Variants in NCKAP5 observed in about 807,000 individuals in gnomAD.
The protein encoded by NCKAP5 is NCK associated protein 5, also known as nck-associated protein 5.
In NCKAP5, 92 loss-of-function variants were observed where a neutral mutation model predicts 167.0. That is an observed-to-expected ratio of 0.55 (90% CI 0.47 to 0.66). The LOEUF (loss-of-function observed/expected upper bound fraction) is 0.66. Among genes scored for constraint, NCKAP5 ranks in the 30% least tolerant of loss-of-function variants. NCKAP5 has a pLI of 0.00. For synonymous variants in NCKAP5, 891 were observed against 877.4 expected (o/e 1.02, Z -0.27); for missense variants, 2,378 against 2,315.0 (o/e 1.03, Z -0.56).
intron 11 of NCKAP5, among the ~76,000 whole-genome samples, chr2:132,827,319 A>G (rs1321570886): frequency 1.3e-5 from 2 of 152,140 alleles, no homozygotes; most frequent in African/African-American, 4.8e-5. Context: ...AGTGGCATTA[A>G]GCATCTTTTT....
chr2:133,008,626 T>A (rs1160060245), intron 6 of NCKAP5, among the ~76,000 whole-genome samples: 3 of 152,204 alleles, frequency 2.0e-5, no homozygotes, highest in African/African-American at 7.2e-5. Flanking sequence ...TTACCCAATA[T>A]TTATTGTTTA....
chr2:133,623,768 T>C, the NCKAP5 span, among the ~76,000 whole-genome samples: 2 of 152,122 alleles, frequency 1.3e-5, no homozygotes, highest in Non-Finnish European at 2.9e-5. Context: ...GATCTACCAT[T>C]TGATCCAGTA....
intron 6 of NCKAP5, among the ~76,000 whole-genome samples, chr2:133,076,901 G>C (rs1159882315): frequency 6.6e-6 from 1 of 152,168 alleles, no homozygotes; most frequent in Non-Finnish European, 1.5e-5. Flanking sequence ...TCTTTCTGCA[G>C]AGGAGTCTGG....
In NCKAP5 at chr2:132,742,544, TAA is replaced by T. The variant is rs780197543; in HGVS notation, c.5129-10495_5129-10494del. 8.5e-5 allele frequency among the ~76,000 whole-genome samples: 13 copies of T among 152,060 alleles called. 1 individual carries two copies. Among genetic ancestry groups the T allele is most frequent in the Admixed American group, 2.0e-4 (3 of 15,260 alleles). On this transcript the variant is annotated intron_variant, in intron 16 of 19. Coordinates refer to ENST00000409261, the MANE Select transcript of NCKAP5 (RefSeq NM_207363.3). ...ATTAAAAATTTGAAGTTAGATACTCTAAGAGTATAAATAATTTTAGCCTGCCT... is the reference window on the plus strand; with the variant it reads ...ATTAAAAATTTGAAGTTAGATACTCTGAGTATAAATAATTTTAGCCTGCCT...
chr2:133,574,292 G>C, the NCKAP5 span, among the ~76,000 whole-genome samples: 4 of 152,250 alleles, frequency 2.6e-5, no homozygotes, highest in African/African-American at 9.6e-5. Context: ...GATCATAATA[G>C]TCCCAGACGA....
At chr2:133,073,779 C>T (rs758425726) in intron 6 of NCKAP5, among the ~76,000 whole-genome samples, 1 of 151,966 alleles carries the variant, frequency 6.6e-6, no homozygotes, top group East Asian at 1.9e-4. Context: ...TTTTGTCATT[C>T]TTAATTAAAA....
intron 6 of NCKAP5, among the ~76,000 whole-genome samples, chr2:133,029,593 G>A (rs980289948): frequency 2.0e-5 from 3 of 152,168 alleles, no homozygotes; most frequent in Non-Finnish European, 4.4e-5. Flanking sequence ...AGGGTGCTAT[G>A]ATCGGACACC....
intron 19 of NCKAP5, among the ~76,000 whole-genome samples, chr2:132,687,337 T>C (rs1229050048): frequency 6.6e-6 from 1 of 152,098 alleles, no homozygotes; most frequent in East Asian, 1.9e-4. Flanking sequence ...AGGTAGCAAT[T>C]GTTCACGCAC....
At chr2:133,069,311 G>C (rs2080307855) in intron 6 of NCKAP5, among the ~76,000 whole-genome samples, 1 of 152,130 alleles carries the variant, frequency 6.6e-6, no homozygotes, top group Non-Finnish European at 1.5e-5. Context: ...ATCTTTCTAA[G>C]CCCCTTTCCT....
intron 19 of NCKAP5, among the ~76,000 whole-genome samples, chr2:132,677,093 G>A (rs986693301): frequency 4.6e-5 from 7 of 152,112 alleles, no homozygotes; most frequent in African/African-American, 1.7e-4. Flanking sequence ...GAATTGTGTA[G>A]GTTCCATAAA....
At chr2:133,583,965 A>G in the NCKAP5 span, among the ~76,000 whole-genome samples, 2 of 152,186 alleles carry the variant, frequency 1.3e-5, no homozygotes, top group African/African-American at 4.8e-5. Context: ...CGTGTTAGCC[A>G]GGATGGTCTC....
chr2:133,189,839 A>C (rs1460188443), intron 5 of NCKAP5, among the ~76,000 whole-genome samples: 1 of 152,220 alleles, frequency 6.6e-6, no homozygotes, highest in Non-Finnish European at 1.5e-5. Flanking sequence ...CAAAAACTGC[A>C]AGTATTCCCT....
At position 132,783,317 on chromosome 2, in the gene NCKAP5, G is replaced by C. The variant is rs1043761298; in HGVS notation, c.3494C>G (p.Thr1165Ser). Reference sequence around the variant, plus strand: ...GTCTTTTTCATGTTTCCCTGGCACGGTGGAACTTTTCCTGAGCAGCTGGGG... The same window carrying C: ...GTCTTTTTCATGTTTCCCTGGCACGCTGGAACTTTTCCTGAGCAGCTGGGG... ...KSPQLLRKSS[T>S]VPGKHEKDSL... The change falls in exon 14 of 20, where the codon ACC becomes AGC. Residue 1165 changes from threonine to serine, a missense_variant. Transcript: ENST00000409261. The C allele has an allele frequency of 3.7e-6, 6 of 1,613,794 alleles. No homozygotes were observed. In the African/African-American group the frequency reaches 5.3e-5, roughly 14 times the overall value.
At chr2:132,870,706 G>A (rs187878686) in intron 9 of NCKAP5, among the ~76,000 whole-genome samples, 17 of 150,292 alleles carry the variant, frequency 1.1e-4, no homozygotes, top group Non-Finnish European at 1.8e-4. Flanking sequence ...CCAACTATTT[G>A]TGCTTCTTTC....
At chr2:133,273,420 T>C (rs538047696) in intron 4 of NCKAP5, among the ~76,000 whole-genome samples, 6 of 152,158 alleles carry the variant, frequency 3.9e-5, no homozygotes, top group African/African-American at 1.2e-4. Flanking sequence ...CAGGGGCTCA[T>C]TACCCAATCT....
At chr2:132,749,300 C>G (rs1679908293) in intron 16 of NCKAP5, among the ~76,000 whole-genome samples, 1 of 152,048 alleles carries the variant, frequency 6.6e-6, no homozygotes, top group Non-Finnish European at 1.5e-5. Context: ...ACCTCCCAGA[C>G]TCAAGCCATC....
At chr2:133,602,057 C>G in the NCKAP5 span, among the ~76,000 whole-genome samples, 1 of 151,906 alleles carries the variant, frequency 6.6e-6, no homozygotes, top group East Asian at 1.9e-4. Context: ...TTTGAGGGAA[C>G]GAGAGAGAGA....
At chr2:133,581,152 G>A in the NCKAP5 span, among the ~76,000 whole-genome samples, 1 of 152,122 alleles carries the variant, frequency 6.6e-6, no homozygotes, top group African/African-American at 2.4e-5. Flanking sequence ...TGTATAGAAT[G>A]ACGACATCTG....
intron 5 of NCKAP5, among the ~76,000 whole-genome samples, chr2:133,183,575 A>T (rs113345276): frequency 2.5e-5 from 1 of 40,734 alleles, no homozygotes; most frequent in African/African-American, 1.3e-4. Context: ...TTCCTCAGTT[A>T]AAAGAGCACT....
Sources: allele counts gnomAD v4.1 joint callset (sites outside exome capture counted in the v4.1 genomes callset), GRCh38; gene constraint gnomAD v4.1.1; transcripts MANE v1.5; gene names NCBI Gene and HGNC (gene_info 2026-07-23, HGNC 2026-07-21).